FLT4: variants seen among roughly 807,000 people sequenced by gnomAD.
The protein encoded by FLT4 is fms related receptor tyrosine kinase 4, also known as vascular endothelial growth factor receptor 3.
FLT4 carries 30 observed loss-of-function variants against 163.2 expected under a neutral mutation model. The ratio of observed to expected loss-of-function variants is 0.18; its 90% CI spans 0.14 to 0.25. FLT4 has a LOEUF of 0.25. FLT4 is among the 10% of genes least tolerant of loss of function. The pLI, the probability that FLT4 is intolerant of heterozygous loss-of-function variation, is 1.00. For synonymous variants in FLT4, 884 were observed against 789.5 expected (o/e 1.12, Z -2.01); for missense variants, 1,510 against 1,863.8 (o/e 0.81, Z 3.50).
chr5:180,602,665 A>G lies in FLT4; in HGVS notation c.*527T>C. On this transcript the variant is annotated 3_prime_UTR_variant, in exon 30 of 30. Transcript: ENST00000261937. Reference sequence around the variant, plus strand: ...GGACCCTGCAAATGCCTTCTTTGAGATGGAAACACAGCCCCTCCCTTCAAC... The same window carrying G: ...GGACCCTGCAAATGCCTTCTTTGAGGTGGAAACACAGCCCCTCCCTTCAAC... The G allele has an allele frequency of 2.4e-6, 1 of 411,740 alleles. No individual in the cohort carries two copies. The highest frequency in any genetic ancestry group is 4.3e-6 in the Non-Finnish European group (1 of 233,144). The allele number at this position is 411,740 out of a possible 1,614,324, so 25.5% of individuals were successfully genotyped here.
intron 1 of FLT4, among the ~76,000 whole-genome samples, chr5:180,646,402 T>C (rs1765493180): frequency 2.0e-5 from 3 of 151,992 alleles, no homozygotes; most frequent in Admixed American, 1.3e-4. Context: ...CTACCTCCCA[T>C]CCACTCCTCC....
At chr5:180,619,832 G>C (rs1762985631) in intron 17 of FLT4, 63 bp from the exon 18 acceptor site, 1 of 1,278,318 alleles carries the variant, frequency 7.8e-7, no homozygotes, top group African/African-American at 1.5e-5. Flanking sequence ...ACAGGTGGGC[G>C]GCGGGGGAGC....
At chr5:180,619,426 C>CTGGCCGCTTAGCTAGGGCACAG in intron 18 of FLT4, 60 bp from the exon 19 acceptor site, 1 of 1,390,154 alleles carries the variant, frequency 7.2e-7, no homozygotes. Context: ...TTCCCCGCCA[C>CTGGCCGCTTAGCTAGGGCACAG]CCGGCGCTTT....
chr5:180,643,525 C>T (rs1311892737), intron 1 of FLT4, among the ~76,000 whole-genome samples: 1 of 152,222 alleles, frequency 6.6e-6, no homozygotes, highest in Non-Finnish European at 1.5e-5. Context: ...TCCCACTGGC[C>T]CAGTCCTTGC....
Position 180,602,960 on chromosome 5 carries a change from G to A in FLT4, c.*232C>T, listed in dbSNP as rs764368874. 6.7e-6 allele frequency: 4 copies of A among 598,298 alleles called. No homozygotes were observed. The highest frequency in any genetic ancestry group is 2.0e-5 in the South Asian group (1 of 50,440). The allele number at this position is 598,298 out of a possible 1,614,324, so 37.1% of individuals were successfully genotyped here. A position where few individuals can be genotyped will look rare whatever the true frequency, so the allele number is the denominator to read the frequency against. ...GAACTAAATGACATCTGAATCTCAGGGGGAGGGGCCGGGGCAGCTGGAGCG... is the reference window on the plus strand; with the variant it reads ...GAACTAAATGACATCTGAATCTCAGAGGGAGGGGCCGGGGCAGCTGGAGCG... On this transcript the variant is annotated 3_prime_UTR_variant, in exon 30 of 30. Coordinates refer to ENST00000261937, the MANE Select transcript of FLT4 (RefSeq NM_182925.5).
upstream of FLT4, among the ~76,000 whole-genome samples, chr5:180,649,923 A>G (rs943996539): frequency 1.3e-5 from 2 of 152,166 alleles, no homozygotes; most frequent in African/African-American, 4.8e-5. Context: ...TCTAGACTAA[A>G]CAAGAAAGCA....
In FLT4 at chr5:180,602,266, T is replaced by G. The variant is rs1440346366; in HGVS notation, c.*926A>C. The stretch of plus-strand genomic sequence containing the variant: ...TTCACGGCTTGGGAGGGGCCGCAGG[T>G]GGCAGATCCGGGCTCTAAAGGGAAG... On this transcript the variant is annotated 3_prime_UTR_variant, in exon 30 of 30. Coordinates refer to ENST00000261937, the MANE Select transcript of FLT4 (RefSeq NM_182925.5). 1 of 247,464 alleles carries G rather than the reference T, an allele frequency of 4.0e-6. No homozygotes were observed. Among genetic ancestry groups the G allele is most frequent in the African/African-American group, 2.2e-5 (1 of 45,806 alleles). The allele number at this position is 247,464 out of a possible 1,614,324, so 15.3% of individuals were successfully genotyped here.
chr5:180,609,107 G>T, intron 28 of FLT4, 54 bp from the exon 29 acceptor site: 1 of 1,482,732 alleles, frequency 6.7e-7, no homozygotes, highest in Non-Finnish European at 9.4e-7. Context: ...CCTCCTGCAG[G>T]GCAGCCACCC....
intron 1 of FLT4, among the ~76,000 whole-genome samples, chr5:180,632,867 G>A (rs1764293139): frequency 6.6e-6 from 1 of 152,126 alleles, no homozygotes; most frequent in Admixed American, 6.5e-5. Context: ...TCTGGCAGAT[G>A]CATCCTGCCG....
chr5:180,605,518 TG>T (rs757159115), intron 29 of FLT4, among the ~76,000 whole-genome samples: 18 of 152,208 alleles, frequency 1.2e-4, no homozygotes, highest in Non-Finnish European at 2.2e-4. Flanking sequence ...GGTGCTTTTT[TG>T]GGGGTTCAGG....
Position 180,630,673 on chromosome 5 carries a change from C to T in FLT4, c.282G>A (p.Lys94=), listed in dbSNP as rs1382867950. ...CEGTDARPYC[K]VLLLHEVHAN... ...CATGTACCTCGTGCAGCAGCAACACCTTGCAGTAGGGCCTGGCGTCTGTGC... is the reference window on the plus strand; with the variant it reads ...CATGTACCTCGTGCAGCAGCAACACTTTGCAGTAGGGCCTGGCGTCTGTGC... The change falls in exon 3 of 30, where the codon AAG becomes AAA. Residue 94 remains lysine (K), a synonymous_variant. Coordinates refer to ENST00000261937, the MANE Select transcript of FLT4 (RefSeq NM_182925.5). The surrounding 1 kb of genome is among the most constrained non-coding windows in gnomAD (Gnocchi z 6.3). 3 of 1,613,080 alleles carry T rather than the reference C, an allele frequency of 1.9e-6. No homozygotes were observed. The highest frequency in any genetic ancestry group is 2.5e-6 in the Non-Finnish European group (3 of 1,180,006).
intron 2 of FLT4, among the ~76,000 whole-genome samples, chr5:180,631,303 C>T (rs1336320168): frequency 6.6e-6 from 1 of 152,000 alleles, no homozygotes; most frequent in African/African-American, 2.4e-5. Flanking sequence ...GAAACCCCGT[C>T]TCTACTACAA....
At chr5:180,609,423 G>T (rs553177444) in intron 28 of FLT4, 32 of 414,472 alleles carry the variant, frequency 7.7e-5, no homozygotes, top group African/African-American at 6.2e-4. Context: ...CTGCCTCCCG[G>T]TTTGGGGGGC....
chr5:180,615,346 T>C lies in FLT4; in HGVS notation c.3219+1021A>G, dbSNP rs374007599. On this transcript the variant is annotated intron_variant, in intron 23 of 29. Transcript: ENST00000261937. Reference sequence around the variant, plus strand: ...TTCCTTTCGGAGCACTGGGCCCCGCTGGTCACCTCCCTTCTCCACTTCCGA... The same window carrying C: ...TTCCTTTCGGAGCACTGGGCCCCGCCGGTCACCTCCCTTCTCCACTTCCGA... 8.1e-3 allele frequency among the ~76,000 whole-genome samples: 781 copies of C among 96,906 alleles called. 20 individuals are homozygous for C. Among genetic ancestry groups the C allele is most frequent in the African/African-American group, 0.026 (683 of 25,778 alleles). 63.6% of individuals were successfully genotyped at this position (96,906 alleles called of 152,430 possible). A position where few individuals can be genotyped will look rare whatever the true frequency, so the allele number is the denominator to read the frequency against.
At chr5:180,622,323 C>A (rs1763218481) in intron 12 of FLT4, among the ~76,000 whole-genome samples, 1 of 152,054 alleles carries the variant, frequency 6.6e-6, no homozygotes, top group Non-Finnish European at 1.5e-5. Flanking sequence ...CATTCTGGGA[C>A]CCAGTGACGT....
intron 7 of FLT4, 121 bp from the exon 8 acceptor site, chr5:180,629,120 C>A: frequency 6.9e-7 from 1 of 1,443,188 alleles, no homozygotes; most frequent in Non-Finnish European, 9.7e-7. Flanking sequence ...GCTGGCCATG[C>A]CGCCCGGTGC....
At chr5:180,646,531 G>A (rs1765502881) in intron 1 of FLT4, among the ~76,000 whole-genome samples, 1 of 152,170 alleles carries the variant, frequency 6.6e-6, no homozygotes, top group Non-Finnish European at 1.5e-5. Context: ...GAGTTCTGCA[G>A]ACCCCACCAG....
chr5:180,603,222 G>T lies in FLT4; in HGVS notation c.4062C>A (p.Arg1354=), dbSNP rs762533367. 6.2e-7 allele frequency: 1 copy of T among 1,614,082 alleles called. No homozygotes were observed. Among genetic ancestry groups the T allele is most frequent in the South Asian group, 1.1e-5 (1 of 91,086 alleles). ...AGCTGTTGTCTGTGAAGAAAGTCACGCGGGCAGACGGGGAGCAGTGGTCCT... is the reference window on the plus strand; with the variant it reads ...AGCTGTTGTCTGTGAAGAAAGTCACTCGGGCAGACGGGGAGCAGTGGTCCT... The part of the protein sequence containing the change: ...SEEDHCSPSA[R]VTFFTDNSY The change falls in exon 30 of 30, where the codon CGC becomes CGA. Residue 1354 remains arginine, a synonymous_variant. Transcript: ENST00000261937.
chr5:180,644,123 G>A (rs970563724), intron 1 of FLT4, among the ~76,000 whole-genome samples: 4 of 152,162 alleles, frequency 2.6e-5, no homozygotes, highest in African/African-American at 4.8e-5. Flanking sequence ...CGCTCTTAAC[G>A]GTTCTTTAGT....
Sources: allele counts gnomAD v4.1 joint callset (sites outside exome capture counted in the v4.1 genomes callset), GRCh38; gene constraint gnomAD v4.1.1; non-coding constraint Gnocchi (gnomAD v3.1); transcripts MANE v1.5; gene names NCBI Gene and HGNC (gene_info 2026-07-23, HGNC 2026-07-21).